ETV6: variants seen among roughly 807,000 people sequenced by gnomAD.
The protein encoded by ETV6 is ETS variant transcription factor 6, also known as transcription factor ETV6.
In ETV6, 16 loss-of-function variants were observed where a neutral mutation model predicts 51.1. The observed-to-expected ratio is 0.31, with a 90% confidence interval of 0.21 to 0.48. ETV6 has a LOEUF of 0.48. ETV6 is among the 20% of genes least tolerant of loss of function. The probability of loss-of-function intolerance (pLI) is 0.99; values close to 1 mark genes in which losing one functional copy is unlikely to be tolerated. For synonymous variants in ETV6, 240 were observed against 224.1 expected (o/e 1.07, Z -0.64); for missense variants, 458 against 594.8 (o/e 0.77, Z 2.39).
At chr12:11,845,775 G>A (rs1187792156) in intron 3 of ETV6, among the ~76,000 whole-genome samples, 10 of 152,048 alleles carry the variant, frequency 6.6e-5, no homozygotes, top group Admixed American at 3.3e-4. Context: ...GGCAGATCAC[G>A]GGGTCAGGAG....
intron 7 of ETV6, among the ~76,000 whole-genome samples, chr12:11,890,177 G>A (rs1947265513): frequency 8.6e-6 from 1 of 115,828 alleles, no homozygotes; most frequent in Non-Finnish European, 1.7e-5. Flanking sequence ...CCACTAAGTT[G>A]TCCTATTGTC....
chr12:11,652,490 T>A (rs1863924326), intron 1 of ETV6, among the ~76,000 whole-genome samples: 1 of 152,222 alleles, frequency 6.6e-6, no homozygotes. Context: ...TATGCTTTTC[T>A]GTGTAGTGAA....
intron 5 of ETV6, among the ~76,000 whole-genome samples, chr12:11,874,342 A>G (rs1439538982): frequency 1.4e-5 from 2 of 146,710 alleles, no homozygotes; most frequent in African/African-American, 5.1e-5. Flanking sequence ...ATGCCACTGC[A>G]CTCCAGCCTG....
chr12:11,857,514 T>C (rs769773205), intron 4 of ETV6, among the ~76,000 whole-genome samples: 1 of 152,228 alleles, frequency 6.6e-6, no homozygotes. Context: ...TCCTTACTTA[T>C]TAGTTATGGG....
intron 1 of ETV6, among the ~76,000 whole-genome samples, chr12:11,652,279 C>A (rs1310970764): frequency 2.0e-5 from 3 of 152,064 alleles, no homozygotes; most frequent in African/African-American, 7.3e-5. Flanking sequence ...GAGTATCTTT[C>A]CATGGAGTTT....
chr12:11,780,003 T>C (rs1268414271), intron 2 of ETV6, among the ~76,000 whole-genome samples: 1 of 152,228 alleles, frequency 6.6e-6, no homozygotes, highest in East Asian at 1.9e-4. Flanking sequence ...CCCATATTTT[T>C]CACACACGCT....
At chr12:11,825,520 G>C (rs190500527) in intron 2 of ETV6, 2 of 152,264 alleles carry the variant, frequency 1.3e-5, no homozygotes, top group African/African-American at 2.4e-5. Flanking sequence ...TCTCCTCTGC[G>C]TCTCTCCTCT....
intron 3 of ETV6, among the ~76,000 whole-genome samples, chr12:11,839,530 G>A (rs1946361575): frequency 6.6e-6 from 1 of 152,204 alleles, no homozygotes; most frequent in Admixed American, 6.5e-5. Context: ...TTTAGGAGAG[G>A]AACCCAGTTT....
rs189166816 is a variant in ETV6 at position 11,817,444 on chromosome 12, G to A, written c.164-21696G>A. On this transcript the variant is annotated intron_variant, in intron 2 of 7. Coordinates refer to ENST00000396373, the MANE Select transcript of ETV6 (RefSeq NM_001987.5). ...AAAAATGTCTCTAAGATGCCAAACA[G>A]GGAAAATTTAGGAAGAAATAAGAAC... Among the ~76,000 whole-genome samples the A allele has an allele frequency of 4.0e-3, 608 of 152,204 alleles. 3 individuals carry two copies. The highest frequency in any genetic ancestry group is 0.02 in the South Asian group (98 of 4,826).
At chr12:11,885,520 C>A (rs1216447823) in intron 6 of ETV6, among the ~76,000 whole-genome samples, 1 of 152,056 alleles carries the variant, frequency 6.6e-6, no homozygotes, top group Non-Finnish European at 1.5e-5. Flanking sequence ...GAGAAAAGGT[C>A]ATTGCAACAA....
At chr12:11,813,271 C>G (rs1048449800) in intron 2 of ETV6, among the ~76,000 whole-genome samples, 9 of 152,224 alleles carry the variant, frequency 5.9e-5, no homozygotes, top group African/African-American at 1.9e-4. Flanking sequence ...CCTGCCCCTC[C>G]TCACCCCAGC....
chr12:11,758,560 C>T (rs1329953562), intron 2 of ETV6, among the ~76,000 whole-genome samples: 1 of 152,182 alleles, frequency 6.6e-6, no homozygotes, highest in African/African-American at 2.4e-5. Flanking sequence ...CTCTAGGGCA[C>T]TCCATCCCAG....
chr12:11,844,069 A>C (rs139830144), intron 3 of ETV6, among the ~76,000 whole-genome samples: 2,653 of 152,044 alleles, frequency 0.017, 28 homozygotes, highest in East Asian at 0.04. Context: ...TCAGAGAGGT[A>C]TTTGAGTACT....
chr12:11,861,783 C>G (rs1946722336), intron 4 of ETV6, among the ~76,000 whole-genome samples: 1 of 152,200 alleles, frequency 6.6e-6, no homozygotes, highest in Non-Finnish European at 1.5e-5. Flanking sequence ...TTTCCCCACT[C>G]CAGGGCCTCT....
chr12:11,698,665 A>G (rs1465095217), intron 1 of ETV6, among the ~76,000 whole-genome samples: 1 of 152,182 alleles, frequency 6.6e-6, no homozygotes, highest in Non-Finnish European at 1.5e-5. Context: ...TGTGACCTCA[A>G]TTTTTCCCCT....
chr12:11,849,131 G>GTTTGTTTT (rs1555142192), intron 3 of ETV6, among the ~76,000 whole-genome samples: 10 of 152,040 alleles, frequency 6.6e-5, no homozygotes, highest in African/African-American at 2.2e-4. Flanking sequence ...TTGTTTGTTT[G>GTTTGTTTT]AAACAAGGTC....
chr12:11,867,068 C>A (rs1007712897), intron 4 of ETV6, among the ~76,000 whole-genome samples: 1 of 152,240 alleles, frequency 6.6e-6, no homozygotes, highest in Admixed American at 6.5e-5. Context: ...ATATGGACCT[C>A]ACTCTGTGCA....
intron 1 of ETV6, among the ~76,000 whole-genome samples, chr12:11,657,650 G>T (rs999872783): frequency 1.3e-5 from 2 of 152,196 alleles, no homozygotes; most frequent in African/African-American, 4.8e-5. Flanking sequence ...GCCTCCCTGG[G>T]GGTATTTTCC....
At chr12:11,751,368 CT>C in intron 1 of ETV6, 1 of 518,946 alleles carries the variant, frequency 1.9e-6, no homozygotes, top group South Asian at 1.4e-5. Context: ...TGGCATCTTA[CT>C]GGTCTTTCCT....
Sources: allele counts gnomAD v4.1 joint callset (sites outside exome capture counted in the v4.1 genomes callset), GRCh38; gene constraint gnomAD v4.1.1; transcripts MANE v1.5; gene names NCBI Gene and HGNC (gene_info 2026-07-23, HGNC 2026-07-21).